PDLIM5: variants seen among roughly 807,000 people sequenced by gnomAD.
PDLIM5 encodes PDZ and LIM domain 5.
A neutral mutation model predicts 64.2 loss-of-function variants in PDLIM5; 34 were observed. The observed-to-expected ratio is 0.53, with a 90% confidence interval of 0.40 to 0.71. The LOEUF is 0.71. Ranked by LOEUF, PDLIM5 falls within the 30% of genes least tolerant of loss-of-function variation. The probability of loss-of-function intolerance (pLI) is 0.00; values close to 1 mark genes in which losing one functional copy is unlikely to be tolerated. For synonymous variants in PDLIM5, 253 were observed against 269.1 expected (o/e 0.94, Z 0.59); for missense variants, 683 against 733.6 (o/e 0.93, Z 0.80).
intron 11 of PDLIM5, among the ~76,000 whole-genome samples, chr4:94,658,629 A>C (rs1027672301): frequency 3.9e-5 from 6 of 152,248 alleles, no homozygotes; most frequent in African/African-American, 1.4e-4. Flanking sequence ...AGGAGCAGTC[A>C]GCTTCTAAGT....
chr4:94,625,539 A>G (rs550208486), intron 8 of PDLIM5, among the ~76,000 whole-genome samples: 10 of 149,454 alleles, frequency 6.7e-5, no homozygotes, highest in South Asian at 2.1e-4. Context: ...TGCAAGCTCC[A>G]CCTCCCAGGT....
intron 2 of PDLIM5, among the ~76,000 whole-genome samples, chr4:94,502,061 C>T (rs913082015): frequency 6.6e-6 from 1 of 151,896 alleles, no homozygotes; most frequent in African/African-American, 2.4e-5. Context: ...ATTTCTCTCC[C>T]CTTTTCCCTT....
At chr4:94,568,457 A>G (rs919175543) in intron 3 of PDLIM5, among the ~76,000 whole-genome samples, 3 of 152,236 alleles carry the variant, frequency 2.0e-5, no homozygotes, top group Non-Finnish European at 4.4e-5. Flanking sequence ...CCATAGTAAT[A>G]ATGAATTACT....
At chr4:94,556,763 T>G (rs1012289861) in intron 3 of PDLIM5, among the ~76,000 whole-genome samples, 3 of 152,208 alleles carry the variant, frequency 2.0e-5, no homozygotes, top group Non-Finnish European at 4.4e-5. Flanking sequence ...TTTGTTTTTT[T>G]CTTGTAAATT....
chr4:94,496,284 T>C (rs1210058008), intron 2 of PDLIM5, among the ~76,000 whole-genome samples: 1 of 152,182 alleles, frequency 6.6e-6, no homozygotes, highest in Non-Finnish European at 1.5e-5. Context: ...TCTTATTAAA[T>C]TGATAAATAT....
chr4:94,615,841 C>G (rs1000759753), intron 7 of PDLIM5, among the ~76,000 whole-genome samples: 2 of 152,096 alleles, frequency 1.3e-5, no homozygotes, highest in Non-Finnish European at 2.9e-5. Flanking sequence ...GATTTCACTC[C>G]TTGAAATTAG....
intron 7 of PDLIM5, among the ~76,000 whole-genome samples, chr4:94,595,370 A>C (rs1426192143): frequency 6.6e-6 from 1 of 152,212 alleles, no homozygotes; most frequent in East Asian, 1.9e-4. Context: ...ATTCAAACTC[A>C]GGTTACCAAT....
rs899559388 is a variant in PDLIM5, at chr4:94,592,618, AGTTTT to A, written c.920+6195_920+6199del. On this transcript the variant is annotated intron_variant, in intron 7 of 12. Coordinates refer to ENST00000317968, the MANE Select transcript of PDLIM5 (RefSeq NM_006457.5). ...TTGAGTGTAAATATTCCCTTTTCCA[AGTTTT>A]GTTTTGTTTTGTTTTGTTTTTTGAG... Among the ~76,000 whole-genome samples the A allele has an allele frequency of 1.7e-4, 26 of 152,048 alleles. 1 individual carries two copies. In the East Asian group the frequency reaches 3.1e-3, roughly 18 times the overall value.
At position 94,549,605 on chromosome 4, in the gene PDLIM5, C is replaced by CAAATAAAAATAAAATAAAATAAAATA. The variant is rs1732624629; in HGVS notation, c.249-23734_249-23733insAATAAAATAAAATAAAATAAAAATAA. ...TGTATTATTATGAACAGTTTTTGAG[C>CAAATAAAAATAAAATAAAATAAAATA]AAATAAAAATAAGCTGAAGTTTAAA... On this transcript the variant is annotated intron_variant, in intron 3 of 12. Transcript: ENST00000317968. 4.6e-5 allele frequency among the ~76,000 whole-genome samples: 7 copies of CAAATAAAAATAAAATAAAATAAAATA among 151,996 alleles called. No individual in the cohort carries two copies. The South Asian group carries it at 1.5e-3, about 32-fold the overall frequency.
intron 3 of PDLIM5, among the ~76,000 whole-genome samples, chr4:94,567,943 T>A (rs1664280897): frequency 6.6e-6 from 1 of 152,180 alleles, no homozygotes; most frequent in South Asian, 2.1e-4. Context: ...TGTAAAAGTT[T>A]TGGGTAGAGG....
At chr4:94,490,129 G>T (rs1296495068) in intron 2 of PDLIM5, among the ~76,000 whole-genome samples, 1 of 151,438 alleles carries the variant, frequency 6.6e-6, no homozygotes, top group African/African-American at 2.4e-5. Context: ...TATGAACTGT[G>T]GGGGGTATAA....
intron 9 of PDLIM5, among the ~76,000 whole-genome samples, chr4:94,644,427 C>T (rs925046289): frequency 1.3e-5 from 2 of 151,858 alleles, no homozygotes; most frequent in Non-Finnish European, 2.9e-5. Context: ...AAGTATGATT[C>T]CAATTTTATG....
intron 5 of PDLIM5, chr4:94,584,740 A>C (rs1393240755): frequency 3.1e-5 from 14 of 448,318 alleles, no homozygotes; most frequent in Non-Finnish European, 4.0e-5. Context: ...TGAAGATTTG[A>C]TCATTTAATT....
intron 3 of PDLIM5, among the ~76,000 whole-genome samples, chr4:94,529,602 CTACTT>C (rs1560680778): frequency 6.6e-6 from 1 of 151,992 alleles, no homozygotes; most frequent in Non-Finnish European, 1.5e-5. Flanking sequence ...TTATTTATGT[CTACTT>C]TAATTTGGGG....
At chr4:94,661,034 A>G (rs1398674069) in intron 11 of PDLIM5, among the ~76,000 whole-genome samples, 1 of 152,130 alleles carries the variant, frequency 6.6e-6, no homozygotes, top group East Asian at 1.9e-4. Flanking sequence ...CAGTGAGCCG[A>G]GATCGCGCCA....
At chr4:94,561,320 C>T (rs976943353) in intron 3 of PDLIM5, among the ~76,000 whole-genome samples, 3 of 152,120 alleles carry the variant, frequency 2.0e-5, no homozygotes, top group African/African-American at 7.2e-5. Flanking sequence ...AGTGATACAG[C>T]TTATTCCAGT....
At chr4:94,562,173 G>A (rs1733906659) in intron 3 of PDLIM5, among the ~76,000 whole-genome samples, 1 of 152,106 alleles carries the variant, frequency 6.6e-6, no homozygotes, top group East Asian at 1.9e-4. Context: ...TGTTTATTAT[G>A]TGGCCTATCA....
intron 3 of PDLIM5, chr4:94,550,056 A>G (rs957737297): frequency 1.3e-5 from 2 of 152,128 alleles, no homozygotes; most frequent in Non-Finnish European, 2.9e-5. Flanking sequence ...AGTATCCAGC[A>G]TACACATAAA....
In PDLIM5 at chr4:94,579,937, C is replaced by T. The variant is rs147073745; in HGVS notation, c.710+3903C>T. ...GTGTCAAAAGCTGATGGTAAAGTCT[C>T]TTAAGAACCTTTATGATTTTTCTAG... On this transcript the variant is annotated intron_variant, in intron 5 of 12. Transcript: ENST00000317968. Among the ~76,000 whole-genome samples, 23 of 152,212 alleles carry T rather than the reference C, an allele frequency of 1.5e-4. No homozygotes were observed. In the East Asian group the frequency reaches 4.4e-3, roughly 29 times the overall value.
Sources: gnomAD v4.1 joint callset for allele counts (sites outside exome capture counted in the v4.1 genomes callset) on GRCh38, gnomAD v4.1.1 for gene constraint, MANE v1.5 for transcripts, NCBI Gene and HGNC (gene_info 2026-07-23, HGNC 2026-07-21) for gene names.